The following ATG4C variants were observed in gnomAD, a reference collection of about 807,000 sequenced individuals.
ATG4C encodes cysteine protease ATG4C.
Under a neutral mutation model 57.6 loss-of-function variants are expected in ATG4C, and 56 were observed. The ratio of observed to expected loss-of-function variants is 0.97; its 90% CI spans 0.78 to 1.21. ATG4C has a LOEUF of 1.21. Ranked by LOEUF, ATG4C falls within the 50% of genes most tolerant of loss-of-function variation. ATG4C has a pLI of 0.00. For missense variants in ATG4C, 595 were observed against 529.8 expected, an observed-to-expected ratio of 1.12 and a Z score of -1.21; for synonymous variants, 157 against 174.1, an observed-to-expected ratio of 0.90 and a Z score of 0.78.
At chr1:62,844,395 TGAAAA>T (rs1666265970) in intron 10 of ATG4C, among the ~76,000 whole-genome samples, 1 of 152,120 alleles carries the variant, frequency 6.6e-6, no homozygotes, top group South Asian at 2.1e-4. Flanking sequence ...TTAAAAATGA[TGAAAA>T]GAAAAATATT....
At chr1:62,793,243 A>C (rs980621718) in intron 1 of ATG4C, among the ~76,000 whole-genome samples, 26 of 151,922 alleles carry the variant, frequency 1.7e-4, no homozygotes, top group Non-Finnish European at 1.0e-4. Context: ...CTCTCCACCC[A>C]AGTACTATTG....
rs1481395397 is a variant in ATG4C, at chr1:62,819,223, G to T, written c.613G>T (p.Gly205Cys). ...VYHRKIISWF[G>C]DSPLALFGLH... ...TCATAGGAAAATCATCTCTTGGTTT[G>T]GTGATTCCCCCTTGGCTCTTTTTGG... The change falls in exon 5 of 11, where the codon GGT (glycine) becomes TGT (cysteine). Residue 205 changes from glycine to cysteine, a missense_variant. By Grantham distance (159) the Gly-to-Cys change is radical. Coordinates refer to ENST00000317868, the MANE Select transcript of ATG4C (RefSeq NM_032852.4). 1.2e-6 allele frequency: 2 copies of T among 1,613,548 alleles called. No homozygotes were observed. Among genetic ancestry groups the T allele is most frequent in the Non-Finnish European group, 8.5e-7 (1 of 1,179,684 alleles).
intron 9 of ATG4C, 63 bp from the exon 10 acceptor site, chr1:62,841,365 A>G (rs562574637): frequency 1.4e-5 from 19 of 1,355,566 alleles, no homozygotes; most frequent in Non-Finnish European, 1.8e-5. Flanking sequence ...ATTTTAAATA[A>G]TAGTTTTATA....
intron 10 of ATG4C, among the ~76,000 whole-genome samples, chr1:62,843,120 A>G (rs897429706): frequency 1.5e-4 from 23 of 152,206 alleles, no homozygotes; most frequent in African/African-American, 5.5e-4. Flanking sequence ...CTCCTGGAAT[A>G]GAAACAAACC....
At chr1:62,799,914 C>G (rs1433315334) in intron 1 of ATG4C, among the ~76,000 whole-genome samples, 3 of 151,802 alleles carry the variant, frequency 2.0e-5, no homozygotes, top group Non-Finnish European at 4.4e-5. Context: ...CACCTCTCCC[C>G]AACCTTCTCA....
intron 10 of ATG4C, among the ~76,000 whole-genome samples, chr1:62,845,289 G>A (rs963868318): frequency 2.0e-5 from 3 of 151,952 alleles, no homozygotes; most frequent in Admixed American, 6.6e-5. Context: ...AACCAATCTC[G>A]TGGATATGAA....
chr1:62,801,623 A>G (rs1191495041), intron 1 of ATG4C, among the ~76,000 whole-genome samples: 1 of 150,258 alleles, frequency 6.7e-6, no homozygotes, highest in Non-Finnish European at 1.5e-5. Flanking sequence ...TTGCCACTGT[A>G]CTCCAGCCTG....
chr1:62,818,996 C>G lies in ATG4C; in HGVS notation c.395-9C>G. 6.6e-7 allele frequency: 1 copy of G among 1,515,790 alleles called. No homozygotes were observed. The highest frequency in any genetic ancestry group is 8.8e-7 in the Non-Finnish European group (1 of 1,137,716). The allele number at this position is 1,515,790 out of a possible 1,614,324, so 93.9% of individuals were successfully genotyped here. On this transcript the variant is annotated splice_polypyrimidine_tract_variant and intron_variant, in intron 4 of 10. Coordinates refer to ENST00000317868, the MANE Select transcript of ATG4C (RefSeq NM_032852.4). ...AAGATCTGAACACTTTGCTTTGGAA[C>G]TACTATAGCTTGGACCTGGCCTGAT...
chr1:62,862,650 C>G (rs1278917756), intron 10 of ATG4C, among the ~76,000 whole-genome samples: 1 of 151,936 alleles, frequency 6.6e-6, no homozygotes, highest in African/African-American at 2.4e-5. Context: ...ACTATAGGAT[C>G]TGATTTTCAT....
chr1:62,828,569 A>T (rs1054202207), intron 6 of ATG4C, among the ~76,000 whole-genome samples: 1 of 152,174 alleles, frequency 6.6e-6, no homozygotes, highest in Non-Finnish European at 1.5e-5. Flanking sequence ...TCAGATGTAT[A>T]GTTTGCAAAT....
At chr1:62,821,093 T>G (rs1431268203) in intron 5 of ATG4C, 46 bp from the exon 6 acceptor site, 1 of 1,443,032 alleles carries the variant, frequency 6.9e-7, no homozygotes, top group East Asian at 2.3e-5. Context: ...TAGTTGCCAA[T>G]AGGAAATGTT....
At chr1:62,793,882 A>G (rs1388000529) in intron 1 of ATG4C, among the ~76,000 whole-genome samples, 1 of 152,126 alleles carries the variant, frequency 6.6e-6, no homozygotes, top group Admixed American at 6.6e-5. Context: ...TGTAAAGACT[A>G]CTATCTCTAT....
chr1:62,784,504 CTG>C (rs375259077), intron 1 of ATG4C, among the ~76,000 whole-genome samples: 32 of 152,280 alleles, frequency 2.1e-4, no homozygotes, highest in African/African-American at 6.7e-4. Context: ...GTAAGCCTAA[CTG>C]TGGGCAGCTG....
rs1214388955 is a variant in ATG4C at position 62,864,384 on chromosome 1, T to C, written c.*225T>C. 1 of 375,976 alleles carries C rather than the reference T, an allele frequency of 2.7e-6. No homozygotes were observed. Among genetic ancestry groups the C allele is most frequent in the Non-Finnish European group, 4.8e-6 (1 of 208,988 alleles). 23.3% of individuals were successfully genotyped at this position (375,976 alleles called of 1,614,324 possible). A position where few individuals can be genotyped will look rare whatever the true frequency, so the allele number is the denominator to read the frequency against. ...AATTGAGTGATTCTGGTTGCATTCC[T>C]ATTTCCCTAAGATCTACTAGTGATA... On this transcript the variant is annotated 3_prime_UTR_variant, in exon 11 of 11. Coordinates refer to ENST00000317868, the MANE Select transcript of ATG4C (RefSeq NM_032852.4).
intron 10 of ATG4C, among the ~76,000 whole-genome samples, chr1:62,856,511 T>G (rs951532899): frequency 6.6e-6 from 1 of 152,152 alleles, no homozygotes; most frequent in Non-Finnish European, 1.5e-5. Context: ...AACAACTCTG[T>G]GAGATAGATA....
chr1:62,813,963 T>G (rs980933406), intron 3 of ATG4C, among the ~76,000 whole-genome samples: 55 of 152,112 alleles, frequency 3.6e-4, no homozygotes, highest in Non-Finnish European at 6.2e-4. Context: ...GGAGAGGATG[T>G]GGAGAAATAG....
chr1:62,811,644 G>C (rs1053642231), intron 3 of ATG4C, among the ~76,000 whole-genome samples: 1 of 152,114 alleles, frequency 6.6e-6, no homozygotes, highest in Non-Finnish European at 1.5e-5. Context: ...AGGACATGAT[G>C]GGCCTAAGAG....
chr1:62,814,013 C>T (rs1665179692), intron 3 of ATG4C, among the ~76,000 whole-genome samples: 1 of 152,082 alleles, frequency 6.6e-6, no homozygotes, highest in Non-Finnish European at 1.5e-5. Flanking sequence ...AAAGGGAGTT[C>T]AACCATTGTG....
chr1:62,828,348 T>C (rs1335689876), intron 6 of ATG4C, among the ~76,000 whole-genome samples: 1 of 152,222 alleles, frequency 6.6e-6, no homozygotes, highest in Non-Finnish European at 1.5e-5. Context: ...CCATTCTGAC[T>C]GGTGTGAGAT....
Sources: gnomAD v4.1 joint callset for allele counts (sites outside exome capture counted in the v4.1 genomes callset) on GRCh38, gnomAD v4.1.1 for gene constraint, MANE v1.5 for transcripts, NCBI Gene and HGNC (gene_info 2026-07-23, HGNC 2026-07-21) for gene names.